The following MYT1L variants were observed in gnomAD, a reference collection of about 807,000 sequenced individuals.
MYT1L encodes the protein myelin transcription factor 1 like.
A neutral mutation model predicts 126.7 loss-of-function variants in MYT1L; 12 were observed. The observed-to-expected ratio is 0.09, with a 90% CI of 0.06 to 0.15. The LOEUF (loss-of-function observed/expected upper bound fraction) is 0.15, where lower values mean the gene tolerates loss of function less well. Among genes scored for constraint, MYT1L ranks in the 10% least tolerant of loss-of-function variants. The pLI is 1.00. For synonymous variants in MYT1L, 541 were observed against 604.2 expected, an observed-to-expected ratio of 0.90 and a Z score of 1.53; for missense variants, 979 against 1,585.2, an observed-to-expected ratio of 0.62 and a Z score of 6.49.
chr2:2,114,349 T>G (rs2079912955), intron 3 of MYT1L, among the ~76,000 whole-genome samples: 1 of 152,200 alleles, frequency 6.6e-6, no homozygotes, highest in African/African-American at 2.4e-5. Flanking sequence ...GTCTTTCTGT[T>G]CGTTTGTTCT....
chr2:1,846,015 T>C (rs1160882227), intron 19 of MYT1L, among the ~76,000 whole-genome samples: 1 of 152,234 alleles, frequency 6.6e-6, no homozygotes, highest in Non-Finnish European at 1.5e-5. Context: ...AATTCAGACA[T>C]GACTTACTCA....
rs902353482 is a variant in MYT1L, at chr2:1,793,938, C to A, written c.3277-1474G>T. 6.6e-6 allele frequency among the ~76,000 whole-genome samples: 1 copy of A among 152,200 alleles called. No homozygotes were observed. The highest frequency in any genetic ancestry group is 1.5e-5 in the Non-Finnish European group (1 of 68,046). On this transcript the variant is annotated intron_variant, in intron 23 of 24. Coordinates refer to ENST00000647738, the MANE Select transcript of MYT1L (RefSeq NM_001303052.2). This position sits in a 1 kb window ranked among gnomAD's most constrained non-coding sequence, Gnocchi z 4.6. ...GCTTGTCTTCCAGAGCGTTCTGTAG[C>A]CCTTCCTGGGTGGCCACGTGCCTGC...
At chr2:2,180,584 G>A (rs11692661) in intron 2 of MYT1L, among the ~76,000 whole-genome samples, 6 of 147,054 alleles carry the variant, frequency 4.1e-5, no homozygotes, top group East Asian at 2.1e-4. Context: ...CTGTGTGTGC[G>A]CCTATGTGTG....
intron 2 of MYT1L, among the ~76,000 whole-genome samples, chr2:2,186,279 C>T (rs1278750824): frequency 6.7e-6 from 1 of 149,978 alleles, no homozygotes; most frequent in Non-Finnish European, 1.5e-5. Flanking sequence ...GTCCCGCGTT[C>T]CTTTCGTGAG....
At chr2:2,299,201 G>A (rs948300551) in intron 1 of MYT1L, among the ~76,000 whole-genome samples, 2 of 152,162 alleles carry the variant, frequency 1.3e-5, no homozygotes, top group African/African-American at 4.8e-5. Context: ...AAACCAAAAG[G>A]CTTGGGTTCC....
At position 1,943,314 on chromosome 2, in the gene MYT1L, G is replaced by A. The variant is rs1385738575; in HGVS notation, c.173C>T (p.Ala58Val). 6 of 1,572,570 alleles carry A rather than the reference G, an allele frequency of 3.8e-6. No homozygotes were observed. The highest frequency in any genetic ancestry group is 5.2e-6 in the Non-Finnish European group (6 of 1,158,242). Reference sequence around the variant, plus strand: ...TTTATCTTGTGTTTTTCTTTTTTTCGCCAAGGGACAACCATATACACTAAT... The same window carrying A: ...TTTATCTTGTGTTTTTCTTTTTTTCACCAAGGGACAACCATATACACTAAT... Reference protein sequence around the residue: ...RHRSVYGCPLAKKRKTQDKQP... With the variant: ...RHRSVYGCPLVKKRKTQDKQP... Residue 58 changes from alanine (A) to valine (V), a missense_variant, in exon 9 of 25, where the codon GCG (alanine) becomes GTG (valine). Physicochemically the swap from Ala to Val is moderately conservative, Grantham distance 64. Coordinates refer to ENST00000647738, the MANE Select transcript of MYT1L (RefSeq NM_001303052.2). The surrounding 1 kb of genome is among the most constrained non-coding windows in gnomAD (Gnocchi z 4.4).
chr2:1,938,964 C>T (rs2149238463), intron 9 of MYT1L, among the ~76,000 whole-genome samples: 1 of 152,284 alleles, frequency 6.6e-6, no homozygotes, highest in East Asian at 1.9e-4. Context: ...TGAAACAAAA[C>T]CTCTTAGTAA....
chr2:2,077,710 A>G (rs1220140912), intron 3 of MYT1L, among the ~76,000 whole-genome samples: 1 of 152,184 alleles, frequency 6.6e-6, no homozygotes, highest in Non-Finnish European at 1.5e-5. Flanking sequence ...GACTATCAAT[A>G]AAGTTCTCTA....
chr2:1,903,377 C>A, intron 13 of MYT1L, 83 bp from the exon 14 acceptor site: 2 of 1,133,434 alleles, frequency 1.8e-6, no homozygotes, highest in Non-Finnish European at 2.6e-6. Flanking sequence ...ACTAGAATAT[C>A]TTACTTTTTT....
chr2:2,162,968 C>A (rs745978750), intron 3 of MYT1L, among the ~76,000 whole-genome samples: 4 of 152,178 alleles, frequency 2.6e-5, no homozygotes, highest in Admixed American at 1.3e-4. Flanking sequence ...AATAAATTTA[C>A]TGCCCGCACT....
intron 11 of MYT1L, among the ~76,000 whole-genome samples, chr2:1,913,620 T>C (rs2149043557): frequency 6.6e-6 from 1 of 152,340 alleles, no homozygotes. Context: ...CGAATGCTTC[T>C]CTTCACACTG....
chr2:1,959,167 C>T (rs975343695), intron 8 of MYT1L, among the ~76,000 whole-genome samples: 4 of 152,120 alleles, frequency 2.6e-5, no homozygotes, highest in East Asian at 1.9e-4. Context: ...AAACCTGCCA[C>T]GAGAAGGCTG....
At chr2:1,829,282 C>A (rs1376639829) in intron 21 of MYT1L, among the ~76,000 whole-genome samples, 4 of 151,240 alleles carry the variant, frequency 2.6e-5, no homozygotes, top group Non-Finnish European at 5.9e-5. Flanking sequence ...CTGACCCTCC[C>A]ATACACCTGT....
intron 3 of MYT1L, among the ~76,000 whole-genome samples, chr2:2,088,040 G>C (rs957163359): frequency 1.3e-5 from 2 of 152,276 alleles, no homozygotes; most frequent in East Asian, 1.9e-4. Flanking sequence ...GGTTAGGAGG[G>C]GTCAACAAGA....
intron 1 of MYT1L, among the ~76,000 whole-genome samples, chr2:2,290,323 G>A (rs1233020175): frequency 2.6e-5 from 4 of 152,264 alleles, no homozygotes; most frequent in South Asian, 2.1e-4. Context: ...CGAGGCCTTC[G>A]TCTGCTTTCG....
At chr2:2,319,223 T>C (rs1012817330) in intron 1 of MYT1L, 2 of 152,168 alleles carry the variant, frequency 1.3e-5, no homozygotes, top group Non-Finnish European at 1.5e-5. Flanking sequence ...GCTTGGAAGG[T>C]TGGCCCTCAG....
At chr2:2,312,147 C>T (rs761443489) in intron 1 of MYT1L, among the ~76,000 whole-genome samples, 10 of 152,172 alleles carry the variant, frequency 6.6e-5, no homozygotes, top group Admixed American at 2.0e-4. Context: ...GTGTGATGCT[C>T]CTCATGCTCC....
At chr2:2,138,404 T>C (rs1375750827) in intron 3 of MYT1L, among the ~76,000 whole-genome samples, 9 of 141,174 alleles carry the variant, frequency 6.4e-5, no homozygotes, top group Non-Finnish European at 1.4e-4. Flanking sequence ...CGTATGTTTA[T>C]TGCGGCACTA....
intron 3 of MYT1L, among the ~76,000 whole-genome samples, chr2:2,085,500 T>C (rs1002100770): frequency 6.6e-6 from 1 of 152,144 alleles, no homozygotes; most frequent in African/African-American, 2.4e-5. Context: ...CAGAATAGTT[T>C]CTCCTTCTTT....
Sources: gnomAD v4.1 joint callset for allele counts (sites outside exome capture counted in the v4.1 genomes callset) on GRCh38, gnomAD v4.1.1 for gene constraint, Gnocchi (gnomAD v3.1) non-coding constraint, MANE v1.5 for transcripts, NCBI Gene and HGNC (gene_info 2026-07-23, HGNC 2026-07-21) for gene names.